Variants in SPATA16 observed in about 807,000 individuals in gnomAD.
The protein encoded by SPATA16 is spermatogenesis associated 16.
A neutral mutation model predicts 63.3 loss-of-function variants in SPATA16; 36 were observed. The ratio of observed to expected loss-of-function variants is 0.57; its 90% CI spans 0.44 to 0.75. The LOEUF (loss-of-function observed/expected upper bound fraction) is 0.75. Among genes scored for constraint, SPATA16 ranks in the 30% least tolerant of loss-of-function variants. The pLI is 0.00. For missense variants in SPATA16, 646 were observed against 679.3 expected, an observed-to-expected ratio of 0.95 and a Z score of 0.54; for synonymous variants, 203 against 216.7, an observed-to-expected ratio of 0.94 and a Z score of 0.56.
intron 2 of SPATA16, among the ~76,000 whole-genome samples, chr3:173,094,278 A>G (rs577312830): frequency 7.9e-5 from 12 of 152,276 alleles, no homozygotes; most frequent in African/African-American, 1.7e-4. Flanking sequence ...CCGTCCCACT[A>G]TATAGTTTGC....
chr3:172,930,003 GTC>G, intron 6 of SPATA16, among the ~76,000 whole-genome samples: 1 of 152,160 alleles, frequency 6.6e-6, no homozygotes, highest in East Asian at 1.9e-4. Context: ...CATTTAGTGA[GTC>G]TCTCAAAAGC....
intron 10 of SPATA16, among the ~76,000 whole-genome samples, chr3:172,895,770 A>G (rs1043814909): frequency 6.6e-6 from 1 of 152,192 alleles, no homozygotes; most frequent in Admixed American, 6.5e-5. Context: ...ATCACTAACT[A>G]ATATTCCATG....
chr3:173,027,822 C>T (rs1024440451), intron 3 of SPATA16, among the ~76,000 whole-genome samples: 1 of 151,866 alleles, frequency 6.6e-6, no homozygotes, highest in Non-Finnish European at 1.5e-5. Context: ...CTGACTTCTT[C>T]CCCAGAGACA....
chr3:173,053,274 G>C (rs1331018706), intron 2 of SPATA16, among the ~76,000 whole-genome samples: 1 of 152,094 alleles, frequency 6.6e-6, no homozygotes, highest in African/African-American at 2.4e-5. Flanking sequence ...AGTTTGCAGT[G>C]AGCAAGCCAG....
intron 3 of SPATA16, among the ~76,000 whole-genome samples, chr3:173,022,320 A>G (rs1036636428): frequency 2.6e-5 from 4 of 152,190 alleles, no homozygotes; most frequent in Non-Finnish European, 5.9e-5. Flanking sequence ...GCCCTAAACC[A>G]TATGATTCCC....
chr3:173,100,040 C>G (rs1373140343), intron 2 of SPATA16, among the ~76,000 whole-genome samples: 4 of 152,164 alleles, frequency 2.6e-5, no homozygotes, highest in Non-Finnish European at 5.9e-5. Context: ...AATCAGCCCA[C>G]AAACAGCAGT....
At position 172,925,214 on chromosome 3, in the gene SPATA16, C is replaced by T. The variant is rs1732700459; in HGVS notation, c.1228+132G>A. The T allele has an allele frequency of 8.0e-6, 8 of 994,222 alleles. No individual in the cohort carries two copies. In the Admixed American group the frequency reaches 1.6e-4, roughly 20 times the overall value. The allele number at this position is 994,222 out of a possible 1,614,324, so 61.6% of individuals were successfully genotyped here. ...TTCTTGGGGAAAGATTTCCTGGAAC[C>T]AGAATTCCAGGTATTGTTAACTAAC... On this transcript the variant is annotated intron_variant, in intron 7 of 10. Transcript: ENST00000351008.
intron 2 of SPATA16, among the ~76,000 whole-genome samples, chr3:173,069,957 G>GA (rs35163779): frequency 0.16 from 23,646 of 146,984 alleles, 1,911 homozygotes; most frequent in East Asian, 0.25. Flanking sequence ...ATAAAAAGAC[G>GA]AAAAAAAAAA....
intron 10 of SPATA16, among the ~76,000 whole-genome samples, chr3:172,901,738 G>A (rs1577082352): frequency 6.6e-6 from 1 of 152,176 alleles, no homozygotes; most frequent in South Asian, 2.1e-4. Context: ...TTACTTCTGG[G>A]TGGTGATGGG....
intron 3 of SPATA16, among the ~76,000 whole-genome samples, chr3:173,035,935 T>C (rs777213124): frequency 7.3e-5 from 11 of 151,606 alleles, no homozygotes; most frequent in Non-Finnish European, 1.2e-4. Context: ...GTGTATTCTT[T>C]ACCATTATGG....
chr3:172,991,573 A>G (rs944873335), intron 4 of SPATA16, among the ~76,000 whole-genome samples: 2 of 152,192 alleles, frequency 1.3e-5, no homozygotes, highest in Non-Finnish European at 2.9e-5. Context: ...AATTTATCTG[A>G]TGCAATCCAT....
At chr3:173,132,625 G>A (rs1049143890) in intron 1 of SPATA16, among the ~76,000 whole-genome samples, 8 of 152,240 alleles carry the variant, frequency 5.3e-5, no homozygotes, top group African/African-American at 1.9e-4. Flanking sequence ...AAATTATTAG[G>A]AGTTTGGTAA....
Position 172,955,458 on chromosome 3 carries a change from C to CT in SPATA16, c.1081+1218dup, listed in dbSNP as rs140023792. Among the ~76,000 whole-genome samples, 1,205 of 151,382 alleles carry CT rather than the reference C, an allele frequency of 8.0e-3. 13 individuals are homozygous for CT. The highest frequency in any genetic ancestry group is 0.028 in the African/African-American group (1,149 of 41,314). On this transcript the variant is annotated intron_variant, in intron 6 of 10. Transcript: ENST00000351008. ...TTAACAAAAAATATGAGTTCGAAGA[C>CT]TTTTTTTTTAACCTGCTTTCTTATG...
At chr3:173,024,621 A>G (rs1177394294) in intron 3 of SPATA16, among the ~76,000 whole-genome samples, 1 of 150,814 alleles carries the variant, frequency 6.6e-6, no homozygotes, top group Non-Finnish European at 1.5e-5. Context: ...CAGGATGAGA[A>G]ATGAACAAAT....
At chr3:172,966,299 C>G (rs533757130) in intron 5 of SPATA16, among the ~76,000 whole-genome samples, 29 of 152,288 alleles carry the variant, frequency 1.9e-4, no homozygotes, top group African/African-American at 7.0e-4. Flanking sequence ...AACGTTACAG[C>G]AGGCCAACCT....
At chr3:173,129,062 A>G (rs1216257419) in intron 1 of SPATA16, among the ~76,000 whole-genome samples, 1 of 152,272 alleles carries the variant, frequency 6.6e-6, no homozygotes, top group Non-Finnish European at 1.5e-5. Flanking sequence ...ATAAGAACGA[A>G]TTATTGGTAG....
intron 1 of SPATA16, among the ~76,000 whole-genome samples, chr3:173,130,963 T>C (rs1738368459): frequency 6.6e-6 from 1 of 152,220 alleles, no homozygotes; most frequent in East Asian, 1.9e-4. Context: ...GGAATTAAGA[T>C]AGAGGAAATG....
rs551645571 is a variant in SPATA16, at chr3:173,076,036, A to G, written c.613-26942T>C. Among the ~76,000 whole-genome samples, 27 of 152,256 alleles carry G rather than the reference A, an allele frequency of 1.8e-4. No homozygotes were observed. In the East Asian group the frequency reaches 4.0e-3, roughly 23 times the overall value. On this transcript the variant is annotated intron_variant, in intron 2 of 10. Coordinates refer to ENST00000351008, the MANE Select transcript of SPATA16 (RefSeq NM_031955.6). Reference sequence around the variant, plus strand: ...TTACAAATGTCACATGTACCTTGTAAATATGTGCAACTATCATGTACTCAT... The same window carrying G: ...TTACAAATGTCACATGTACCTTGTAGATATGTGCAACTATCATGTACTCAT...
intron 10 of SPATA16, 49 bp from the exon 11 acceptor site, chr3:172,889,741 T>G (rs1357050056): frequency 6.2e-7 from 1 of 1,603,722 alleles, no homozygotes; most frequent in Admixed American, 1.7e-5. Context: ...TTTTCCTGGG[T>G]TTTGTATACT....
Sources: gnomAD v4.1 joint callset for allele counts (sites outside exome capture counted in the v4.1 genomes callset) on GRCh38, gnomAD v4.1.1 for gene constraint, MANE v1.5 for transcripts, NCBI Gene and HGNC (gene_info 2026-07-23, HGNC 2026-07-21) for gene names.